The following CEP128 variants were observed in gnomAD, a reference collection of about 807,000 sequenced individuals.
CEP128 encodes centrosomal protein 128.
Under a neutral mutation model 156.7 loss-of-function variants are expected in CEP128, and 132 were observed. The ratio of observed to expected loss-of-function variants is 0.84; its 90% confidence interval spans 0.73 to 0.97. The LOEUF is 0.97. Among genes scored for constraint, CEP128 ranks in the 50% least tolerant of loss-of-function variants. The probability of loss-of-function intolerance (pLI) is 0.00; values close to 1 mark genes in which losing one functional copy is unlikely to be tolerated. For missense variants in CEP128, 1,252 were observed against 1,281.9 expected (o/e 0.98, Z 0.36); for synonymous variants, 469 against 448.9 (o/e 1.04, Z -0.57).
At chr14:80,870,158 T>G (rs1386335768) in intron 8 of CEP128, among the ~76,000 whole-genome samples, 1 of 151,874 alleles carries the variant, frequency 6.6e-6, no homozygotes, top group Non-Finnish European at 1.5e-5. Flanking sequence ...ACAGGTAAAA[T>G]CTACCAAACA....
intron 19 of CEP128, among the ~76,000 whole-genome samples, chr14:80,685,403 C>T (rs1019360418): frequency 1.3e-5 from 2 of 151,900 alleles, no homozygotes; most frequent in Non-Finnish European, 2.9e-5. Flanking sequence ...TAAAATATTT[C>T]CACAAGGAGA....
At chr14:80,546,179 CG>C (rs1459064852) in intron 21 of CEP128, among the ~76,000 whole-genome samples, 1 of 152,058 alleles carries the variant, frequency 6.6e-6, no homozygotes, top group Admixed American at 6.6e-5. Flanking sequence ...ATGCATACAT[CG>C]GGGATGATTA....
chr14:80,755,210 G>A (rs1396509305), intron 18 of CEP128, among the ~76,000 whole-genome samples: 3 of 152,084 alleles, frequency 2.0e-5, no homozygotes, highest in African/African-American at 7.2e-5. Context: ...TTGAACATTG[G>A]ACTCCAAGTT....
At chr14:80,843,713 A>T (rs190969936) in intron 9 of CEP128, among the ~76,000 whole-genome samples, 8 of 152,186 alleles carry the variant, frequency 5.3e-5, no homozygotes, top group Admixed American at 5.2e-4. Flanking sequence ...TTGAAGTTAC[A>T]AGTTGTTTAT....
chr14:80,494,676 A>G (rs1409233115), downstream of CEP128, among the ~76,000 whole-genome samples: 1 of 152,222 alleles, frequency 6.6e-6, no homozygotes, highest in Non-Finnish European at 1.5e-5. Context: ...TGCATTTGCC[A>G]TACTTGAAAG....
intron 23 of CEP128, among the ~76,000 whole-genome samples, chr14:80,516,549 C>G (rs994709974): frequency 1.8e-4 from 27 of 152,174 alleles, no homozygotes; most frequent in African/African-American, 6.0e-4. Flanking sequence ...TAAACTGCCT[C>G]TCAAGTTTAT....
intron 18 of CEP128, among the ~76,000 whole-genome samples, chr14:80,753,462 GCA>G (rs1349493606): frequency 3.9e-5 from 6 of 152,222 alleles, no homozygotes; most frequent in Non-Finnish European, 7.3e-5. Context: ...TGATGTGGAA[GCA>G]CAGCTAATAT....
At chr14:80,608,578 T>G (rs1892875276) in intron 19 of CEP128, among the ~76,000 whole-genome samples, 1 of 152,178 alleles carries the variant, frequency 6.6e-6, no homozygotes, top group South Asian at 2.1e-4. Context: ...AATTTTCCAG[T>G]CTCACCTTTC....
chr14:80,528,615 G>C (rs72689035), intron 22 of CEP128, among the ~76,000 whole-genome samples: 46 of 152,094 alleles, frequency 3.0e-4, no homozygotes, highest in Non-Finnish European at 6.0e-4. Flanking sequence ...AAATATGACC[G>C]CATTTAAACA....
At chr14:80,762,777 A>T (rs1900034777) in intron 16 of CEP128, among the ~76,000 whole-genome samples, 1 of 152,178 alleles carries the variant, frequency 6.6e-6, no homozygotes, top group Non-Finnish European at 1.5e-5. Context: ...CTCTGCTTGA[A>T]GTTGTGCTAC....
Position 80,816,960 on chromosome 14 carries a change from T to TAA in CEP128, c.1209+14181_1209+14182dup, listed in dbSNP as rs34406388. On this transcript the variant is annotated intron_variant, in intron 13 of 24. Coordinates refer to ENST00000555265, the MANE Select transcript of CEP128 (RefSeq NM_152446.5). The stretch of plus-strand genomic sequence containing the variant: ...ACAATGTATGTGCTACGTTATTGTT[T>TAA]AAAAAAAAAAAAAAAGGAACAACTA... Among the ~76,000 whole-genome samples the TAA allele has an allele frequency of 1.5e-4, 21 of 144,400 alleles. No homozygotes were observed. In the East Asian group the frequency reaches 3.8e-3, roughly 26 times the overall value. 94.7% of individuals were successfully genotyped at this position (144,400 alleles called of 152,430 possible). A position where few individuals can be genotyped will look rare whatever the true frequency, so the allele number is the denominator to read the frequency against.
intron 2 of CEP128, among the ~76,000 whole-genome samples, chr14:80,929,179 A>T (rs759097533): frequency 2.6e-5 from 4 of 152,244 alleles, no homozygotes; most frequent in Non-Finnish European, 2.9e-5. Context: ...ATACCATCTT[A>T]TCCCAGCAGA....
rs943488981 is a variant in CEP128 at position 80,914,399 on chromosome 14, G to C, written c.157C>G (p.Arg53Gly). 1 of 1,612,820 alleles carries C rather than the reference G, an allele frequency of 6.2e-7. No individual in the cohort carries two copies. The highest frequency in any genetic ancestry group is 8.5e-7 in the Non-Finnish European group (1 of 1,179,006). Residue 53 changes from arginine to glycine, a missense_variant, in exon 4 of 25, where the codon CGG becomes GGG. Transcript: ENST00000555265. Reference sequence around the variant, plus strand: ...ATCTGGTCCACTTGTCGCAGGTTCCGACTGGTATCCTTGAGAAAGAAAATG... The same window carrying C: ...ATCTGGTCCACTTGTCGCAGGTTCCCACTGGTATCCTTGAGAAAGAAAATG... ...TITSTLQDTS[R>G]NLRQVDQMLG... is the part of the protein sequence containing the mutation.
intron 18 of CEP128, 51 bp downstream of exon 18, chr14:80,756,841 G>A (rs1372281852): frequency 8.3e-7 from 1 of 1,202,534 alleles, no homozygotes; most frequent in East Asian, 2.4e-5. Flanking sequence ...AAATAGGATG[G>A]CTTAAAGATC....
intron 19 of CEP128, among the ~76,000 whole-genome samples, chr14:80,663,669 A>G (rs1006597115): frequency 2.0e-5 from 3 of 152,200 alleles, no homozygotes; most frequent in African/African-American, 7.2e-5. Flanking sequence ...TACATAGACT[A>G]TTGCACTGAA....
intron 21 of CEP128, among the ~76,000 whole-genome samples, chr14:80,554,411 A>C (rs550598510): frequency 6.6e-6 from 1 of 152,248 alleles, no homozygotes; most frequent in East Asian, 1.9e-4. Context: ...CTCTTTATCT[A>C]GTCTCTGGAA....
chr14:80,641,581 T>C (rs1838761005), intron 19 of CEP128, among the ~76,000 whole-genome samples: 1 of 152,200 alleles, frequency 6.6e-6, no homozygotes, highest in South Asian at 2.1e-4. Flanking sequence ...CAAATGCTTG[T>C]TGAATTAAAA....
chr14:80,702,298 T>G (rs1194845166), intron 19 of CEP128, among the ~76,000 whole-genome samples: 1 of 152,166 alleles, frequency 6.6e-6, no homozygotes, highest in Non-Finnish European at 1.5e-5. Flanking sequence ...GTTCAAGGTT[T>G]AGGAGGAAAA....
intron 2 of CEP128, among the ~76,000 whole-genome samples, chr14:80,947,058 C>T (rs1163602183): frequency 6.6e-6 from 1 of 152,148 alleles, no homozygotes; most frequent in Non-Finnish European, 1.5e-5. Flanking sequence ...TTGTAAGTTT[C>T]CTGAGGCCTC....
Sources: allele counts gnomAD v4.1 joint callset (sites outside exome capture counted in the v4.1 genomes callset), GRCh38; gene constraint gnomAD v4.1.1; transcripts MANE v1.5; gene names NCBI Gene and HGNC (gene_info 2026-07-23, HGNC 2026-07-21).